The following NDUFAF2 variants were observed in gnomAD, a reference collection of about 807,000 sequenced individuals.
The protein encoded by NDUFAF2 is NADH dehydrogenase [ubiquinone] 1 alpha subcomplex assembly factor 2.
In NDUFAF2, 13 loss-of-function variants were observed where a neutral mutation model predicts 22.8. That is an observed-to-expected ratio of 0.57 (90% CI 0.37 to 0.91). The LOEUF is 0.91. Among genes scored for constraint, NDUFAF2 ranks in the 40% least tolerant of loss-of-function variants. The probability of loss-of-function intolerance (pLI) is 0.01; values close to 1 mark genes in which losing one functional copy is unlikely to be tolerated. For synonymous variants in NDUFAF2, 53 were observed against 64.2 expected (o/e 0.83, Z 0.84); for missense variants, 162 against 195.2 (o/e 0.83, Z 1.01).
At chr5:61,019,807 G>C (rs1751555555) in intron 1 of NDUFAF2, among the ~76,000 whole-genome samples, 1 of 151,920 alleles carries the variant, frequency 6.6e-6, no homozygotes, top group South Asian at 2.1e-4. Flanking sequence ...CTGATTTTTG[G>C]TATCAGATTA....
At chr5:61,081,935 G>A (rs1330706693) in intron 2 of NDUFAF2, among the ~76,000 whole-genome samples, 1 of 152,218 alleles carries the variant, frequency 6.6e-6, no homozygotes, top group African/African-American at 2.4e-5. Flanking sequence ...CATGGCTGAA[G>A]GAACATGTAT....
intron 1 of NDUFAF2, among the ~76,000 whole-genome samples, chr5:61,030,390 T>A (rs770139840): frequency 6.6e-6 from 1 of 152,104 alleles, no homozygotes; most frequent in Non-Finnish European, 1.5e-5. Context: ...TTTGCCCTCC[T>A]ATTCCCATTT....
intron 1 of NDUFAF2, among the ~76,000 whole-genome samples, chr5:61,063,511 AC>A (rs1752192252): frequency 6.6e-6 from 1 of 152,088 alleles, no homozygotes; most frequent in South Asian, 2.1e-4. Flanking sequence ...CTCAAAACAA[AC>A]AAACAAGTCA....
At chr5:60,952,438 T>C (rs1212297080) in intron 1 of NDUFAF2, among the ~76,000 whole-genome samples, 1 of 152,098 alleles carries the variant, frequency 6.6e-6, no homozygotes, top group Non-Finnish European at 1.5e-5. Context: ...TTTTTTCCTA[T>C]ATGACCTATG....
chr5:61,092,418 C>A (rs1421781435), intron 2 of NDUFAF2, among the ~76,000 whole-genome samples: 2 of 151,824 alleles, frequency 1.3e-5, no homozygotes, highest in Admixed American at 6.6e-5. Context: ...TTCTCCTTAT[C>A]GAGATCTTTC....
chr5:61,012,077 A>G (rs17419290), intron 1 of NDUFAF2, among the ~76,000 whole-genome samples: 53,712 of 151,848 alleles, frequency 0.35, 11,708 homozygotes, highest in East Asian at 0.8. Context: ...CCTTATTCTC[A>G]TTTTACCATT....
intron 1 of NDUFAF2, among the ~76,000 whole-genome samples, chr5:61,050,132 T>TA (rs907776219): frequency 4.6e-5 from 7 of 151,020 alleles, no homozygotes; most frequent in South Asian, 2.1e-4. Context: ...TATATATATA[T>TA]TTTTTTTGAG....
chr5:61,131,677 A>G (rs372655591), intron 3 of NDUFAF2, among the ~76,000 whole-genome samples: 2 of 152,162 alleles, frequency 1.3e-5, no homozygotes, highest in African/African-American at 2.4e-5. Flanking sequence ...ATATATATTG[A>G]CACAAAAAAG....
intron 3 of NDUFAF2, among the ~76,000 whole-genome samples, chr5:61,142,006 C>G (rs1241504372): frequency 6.6e-6 from 1 of 152,168 alleles, no homozygotes; most frequent in African/African-American, 2.4e-5. Context: ...TTCTTTCTCT[C>G]TCTCTGAGGC....
chr5:61,027,628 T>C (rs768946934), intron 1 of NDUFAF2, among the ~76,000 whole-genome samples: 4 of 152,042 alleles, frequency 2.6e-5, no homozygotes, highest in Admixed American at 6.6e-5. Context: ...ATACACATTT[T>C]AGGTCATTCA....
At chr5:60,976,274 A>G (rs1341271166) in intron 1 of NDUFAF2, among the ~76,000 whole-genome samples, 2 of 151,470 alleles carry the variant, frequency 1.3e-5, no homozygotes, top group African/African-American at 4.9e-5. Flanking sequence ...CTAGTATCAA[A>G]TGAAGTAGAC....
chr5:61,009,839 G>A (rs1751421606), intron 1 of NDUFAF2, among the ~76,000 whole-genome samples: 1 of 151,976 alleles, frequency 6.6e-6, no homozygotes, highest in Admixed American at 6.6e-5. Flanking sequence ...TCATCAGCAT[G>A]TTAAAACTGA....
chr5:61,117,819 A>G (rs1579839763), intron 3 of NDUFAF2, among the ~76,000 whole-genome samples: 2 of 152,148 alleles, frequency 1.3e-5, no homozygotes, highest in African/African-American at 4.8e-5. Context: ...AAGCTCTGCC[A>G]TTGTAGTATG....
intron 1 of NDUFAF2, among the ~76,000 whole-genome samples, chr5:60,946,937 T>G (rs527424338): frequency 6.6e-6 from 1 of 152,348 alleles, no homozygotes; most frequent in African/African-American, 2.4e-5. Flanking sequence ...ATAATGTAGC[T>G]GAGATTCATC....
At chr5:61,132,456 C>T (rs935218131) in intron 3 of NDUFAF2, among the ~76,000 whole-genome samples, 6 of 152,096 alleles carry the variant, frequency 3.9e-5, no homozygotes, top group Non-Finnish European at 2.9e-5. Context: ...ATTGCTGTCT[C>T]CATCACTGCT....
intron 3 of NDUFAF2, among the ~76,000 whole-genome samples, chr5:61,106,609 CT>C (rs1460508264): frequency 6.6e-6 from 1 of 151,136 alleles, no homozygotes; most frequent in African/African-American, 2.5e-5. Context: ...TGTAGTCACT[CT>C]GTTGTACTAT....
intron 1 of NDUFAF2, among the ~76,000 whole-genome samples, chr5:60,962,648 CGG>C (rs1368677211): frequency 6.6e-6 from 1 of 151,776 alleles, no homozygotes; most frequent in Non-Finnish European, 1.5e-5. Context: ...CTGGCTAACA[CGG>C]TGAAACCCCA....
chr5:61,020,399 G>A (rs1751562781), intron 1 of NDUFAF2, among the ~76,000 whole-genome samples: 1 of 152,054 alleles, frequency 6.6e-6, no homozygotes, highest in Non-Finnish European at 1.5e-5. Context: ...AAACAGGGCT[G>A]TATATTTTAC....
intron 2 of NDUFAF2, among the ~76,000 whole-genome samples, chr5:61,077,337 A>C (rs1752382132): frequency 6.6e-6 from 1 of 152,234 alleles, no homozygotes. Flanking sequence ...GAGAAAAAAA[A>C]AGTGTCATGT....
Sources: gnomAD v4.1 joint callset for allele counts (sites outside exome capture counted in the v4.1 genomes callset) on GRCh38, gnomAD v4.1.1 for gene constraint, MANE v1.5 for transcripts, NCBI Gene and HGNC (gene_info 2026-07-23, HGNC 2026-07-21) for gene names.